Variants in SPCS1 observed in about 807,000 individuals in gnomAD.
The protein encoded by SPCS1 is SPase 12 kDa subunit.
In SPCS1, 10 loss-of-function variants were observed where a neutral mutation model predicts 16.4. That is an observed-to-expected ratio of 0.61 (90% CI 0.38 to 1.03). The LOEUF (loss-of-function observed/expected upper bound fraction) is 1.03, where lower values mean the gene tolerates loss of function less well. SPCS1 is among the 50% of genes least tolerant of loss of function. The pLI, the probability that SPCS1 is intolerant of heterozygous loss-of-function variation, is 0.01. For missense variants in SPCS1, 118 were observed against 123.8 expected (o/e 0.95, Z 0.22); for synonymous variants, 47 against 42.5 (o/e 1.10, Z -0.41).
chr3:52,706,787 C>T lies in SPCS1; in HGVS notation c.97-6C>T, dbSNP rs750515311. 9.3e-6 allele frequency: 15 copies of T among 1,613,220 alleles called. No homozygotes were observed. The African/African-American group carries it at 1.6e-4, about 17-fold the overall frequency. On this transcript the variant is annotated splice_region_variant and splice_polypyrimidine_tract_variant and intron_variant, in intron 2 of 3. Transcript: ENST00000619898. Reference sequence around the variant, plus strand: ...AGTGTGTTTAATATACTTCATTTGTCTCTAGATAGTTGGATTTATCTACGG... The same window carrying T: ...AGTGTGTTTAATATACTTCATTTGTTTCTAGATAGTTGGATTTATCTACGG...
chr3:52,706,998 T>C, intron 3 of SPCS1, 119 bp downstream of exon 3: 1 of 773,334 alleles, frequency 1.3e-6, no homozygotes, highest in South Asian at 1.5e-5. Flanking sequence ...AAACAGCGTT[T>C]CCCTTTGCTA....
At chr3:52,707,643 C>G in intron 3 of SPCS1, 44 bp from the exon 4 acceptor site, 1 of 1,589,516 alleles carries the variant, frequency 6.3e-7, no homozygotes, top group Non-Finnish European at 8.6e-7. Flanking sequence ...ATTTTTTAAA[C>G]TTTTAATAGC....
Position 52,707,975 on chromosome 3 carries a change from A to C in SPCS1, c.*163A>C. 1.2e-6 allele frequency: 1 copy of C among 805,260 alleles called. No individual in the cohort carries two copies. The highest frequency in any genetic ancestry group is 1.9e-5 in the South Asian group (1 of 53,388). The allele number at this position is 805,260 out of a possible 1,614,324, so 49.9% of individuals were successfully genotyped here. On this transcript the variant is annotated 3_prime_UTR_variant, in exon 4 of 4. Transcript: ENST00000619898. Reference sequence around the variant, plus strand: ...CTAGCCCAGTTGGGTTTTGATTTATATAAGTAGTTTAGACCTTCTCTTCAT... The same window carrying C: ...CTAGCCCAGTTGGGTTTTGATTTATCTAAGTAGTTTAGACCTTCTCTTCAT...
In SPCS1 at chr3:52,708,541, T is replaced by C. The variant is rs1288768422; in HGVS notation, c.*729T>C. ...TAATTAAAATTAAAATATAAAACTC[T>C]AAAACTAGCCATGATTCAAAGGTTC... On this transcript the variant is annotated 3_prime_UTR_variant, in exon 4 of 4. Coordinates refer to ENST00000619898, the MANE Select transcript of SPCS1 (RefSeq NM_014041.5). 1 of 152,158 alleles carries C rather than the reference T, an allele frequency of 6.6e-6. No individual in the cohort carries two copies. Among genetic ancestry groups the C allele is most frequent in the Non-Finnish European group, 1.5e-5 (1 of 68,016 alleles). 9.4% of individuals were successfully genotyped at this position (152,158 alleles called of 1,614,324 possible).
At position 52,707,806 on chromosome 3, in the gene SPCS1, T is replaced by C. The variant is rs928404608; in HGVS notation, c.303T>C (p.Asn101=). ...GERKIKRHAK[N]N Reference sequence around the variant, plus strand: ...GAAAAATTAAGAGGCATGCTAAAAATAATTGAGGTTTTCATGATTCAGCAC... The same window carrying C: ...GAAAAATTAAGAGGCATGCTAAAAACAATTGAGGTTTTCATGATTCAGCAC... The change falls in exon 4 of 4, where the codon AAT becomes AAC. Residue 101 remains asparagine, a synonymous_variant. Transcript: ENST00000619898. 8 of 1,613,934 alleles carry C rather than the reference T, an allele frequency of 5.0e-6. No homozygotes were observed. Among genetic ancestry groups the C allele is most frequent in the Non-Finnish European group, 6.8e-6 (8 of 1,179,954 alleles).
At chr3:52,706,306 C>T (rs1450807273) in intron 1 of SPCS1, 24 bp downstream of exon 1, 62 of 1,588,822 alleles carry the variant, frequency 3.9e-5, no homozygotes, top group Non-Finnish European at 5.2e-5. Context: ...CCGGGGACCT[C>T]TGCACGCCGT....
Position 52,706,250 on chromosome 3 carries a change from C to T in SPCS1, c.4C>T (p.Leu2=). Residue 2 remains leucine (L), a synonymous_variant, in exon 1 of 4, where the codon CTG becomes TTG. Coordinates refer to ENST00000619898, the MANE Select transcript of SPCS1 (RefSeq NM_014041.5). The part of the protein sequence containing the change: M[L]EHLSSLPTQM... ...CTGCCCGCCTCCTCAGCCAGCCATG[C>T]TGGAGCATCTGAGCTCGCTGCCCAC... 1 of 1,594,008 alleles carries T rather than the reference C, an allele frequency of 6.3e-7. No homozygotes were observed. Among genetic ancestry groups the T allele is most frequent in the Non-Finnish European group, 8.5e-7 (1 of 1,177,784 alleles).
Position 52,706,867 on chromosome 3 carries a change from T to G in SPCS1, c.171T>G (p.Ala57=). The G allele has an allele frequency of 6.2e-7, 1 of 1,613,776 alleles. No individual in the cohort carries two copies. Among genetic ancestry groups the G allele is most frequent in the Non-Finnish European group, 8.5e-7 (1 of 1,179,686 alleles). The change falls in exon 3 of 4, where the codon GCT becomes GCG. Residue 57 remains alanine (A), a synonymous_variant. Coordinates refer to ENST00000619898, the MANE Select transcript of SPCS1 (RefSeq NM_014041.5). ...TCTATATAGTTATGGCCGGATTTGC[T>G]TTTTCATGTTTGGTAAGAAATTTGT... The part of the protein sequence containing the change: ...WTVYIVMAGF[A]FSCLLTLPPW...
rs1183665389 is a variant in SPCS1, at chr3:52,709,432, TGTG to T, written c.*1626_*1628del. ...ATAAGAAAGTATGGGGGAAGTCAGG[TGTG>T]GTGGTTCATGCCTATAATCCCAGCA... On this transcript the variant is annotated 3_prime_UTR_variant, in exon 4 of 4. Coordinates refer to ENST00000619898, the MANE Select transcript of SPCS1 (RefSeq NM_014041.5). 6.6e-6 allele frequency: 1 copy of T among 151,784 alleles called. No individual in the cohort carries two copies. The highest frequency in any genetic ancestry group is 1.5e-5 in the Non-Finnish European group (1 of 67,960). 9.4% of individuals were successfully genotyped at this position (151,784 alleles called of 1,614,324 possible).
chr3:52,706,187 C>G lies in SPCS1; in HGVS notation c.-60C>G, dbSNP rs1449893633. 1.3e-6 allele frequency: 2 copies of G among 1,552,248 alleles called. No individual in the cohort carries two copies. Among genetic ancestry groups the G allele is most frequent in the Non-Finnish European group, 1.7e-6 (2 of 1,154,580 alleles). ...CTTACCCCTCACGGTCCTTAAGTCT[C>G]GGTCGCCCTCGCCTCGCAGCCTGCC... On this transcript the variant is annotated 5_prime_UTR_variant, in exon 1 of 4. Coordinates refer to ENST00000619898, the MANE Select transcript of SPCS1 (RefSeq NM_014041.5).
rs1263997785 is a variant in SPCS1, at chr3:52,706,231, GCCT to G, written c.-11_-9del. 6.3e-7 allele frequency: 1 copy of G among 1,586,222 alleles called. No individual in the cohort carries two copies. The highest frequency in any genetic ancestry group is 8.5e-7 in the Non-Finnish European group (1 of 1,174,076). On this transcript the variant is annotated 5_prime_UTR_variant, in exon 1 of 4. Coordinates refer to ENST00000619898, the MANE Select transcript of SPCS1 (RefSeq NM_014041.5). Reference sequence around the variant, plus strand: ...GCCTGCCACCCGCGCTCAGCTGCCCGCCTCCTCAGCCAGCCATGCTGGAGCATC... The same window carrying G: ...GCCTGCCACCCGCGCTCAGCTGCCCGCCTCAGCCAGCCATGCTGGAGCATC...
Position 52,709,226 on chromosome 3 carries a change from A to AAAAG in SPCS1, c.*1416_*1419dup, listed in dbSNP as rs2097347869. 1 of 151,988 alleles carries AAAAG rather than the reference A, an allele frequency of 6.6e-6. No homozygotes were observed. Among genetic ancestry groups the AAAAG allele is most frequent in the African/African-American group, 2.4e-5 (1 of 41,356 alleles). 9.4% of individuals were successfully genotyped at this position (151,988 alleles called of 1,614,324 possible). A position where few individuals can be genotyped will look rare whatever the true frequency, so the allele number is the denominator to read the frequency against. ...TGATTGACATTTTAGAACCAATGCC[A>AAAAG]AAAGAGTAACACATCAAAGTCTCTG... On this transcript the variant is annotated 3_prime_UTR_variant, in exon 4 of 4. Coordinates refer to ENST00000619898, the MANE Select transcript of SPCS1 (RefSeq NM_014041.5).
chr3:52,706,901 G>A (rs748913708), intron 3 of SPCS1, 22 bp downstream of exon 3: 1 of 1,584,968 alleles, frequency 6.3e-7, no homozygotes, highest in East Asian at 2.2e-5. Context: ...GTGGGTATTA[G>A]TGGCAGCTTG....
rs560848664 is a variant in SPCS1, at chr3:52,707,170, A to G, written c.183+291A>G. ...TTGTCCCTTCACCTTTTATTTATTTATTTATTTAAATTTTTTGAGACGGAG... is the reference window on the plus strand; with the variant it reads ...TTGTCCCTTCACCTTTTATTTATTTGTTTATTTAAATTTTTTGAGACGGAG... On this transcript the variant is annotated intron_variant, in intron 3 of 3. Transcript: ENST00000619898. 52 of 272,862 alleles carry G rather than the reference A, an allele frequency of 1.9e-4. No homozygotes were observed. In the Middle Eastern group the frequency reaches 3.7e-3, roughly 19 times the overall value. The allele number at this position is 272,862 out of a possible 1,614,324, so 16.9% of individuals were successfully genotyped here.
chr3:52,706,167 C>A lies in SPCS1; in HGVS notation c.-80C>A. ...ACTGACGCGCAGTGCCAGACCTTAC[C>A]CCTCACGGTCCTTAAGTCTCGGTCG... On this transcript the variant is annotated 5_prime_UTR_variant, in exon 1 of 4. Coordinates refer to ENST00000619898, the MANE Select transcript of SPCS1 (RefSeq NM_014041.5). The A allele has an allele frequency of 6.5e-7, 1 of 1,546,232 alleles. No individual in the cohort carries two copies.
In SPCS1 at chr3:52,710,953, C is replaced by G. The variant is rs1212325174; in HGVS notation, c.*3141C>G. 2 of 152,514 alleles carry G rather than the reference C, an allele frequency of 1.3e-5. No individual in the cohort carries two copies. Among genetic ancestry groups the G allele is most frequent in the Non-Finnish European group, 2.9e-5 (2 of 68,018 alleles). 9.4% of individuals were successfully genotyped at this position (152,514 alleles called of 1,614,324 possible). A position where few individuals can be genotyped will look rare whatever the true frequency, so the allele number is the denominator to read the frequency against. On this transcript the variant is annotated 3_prime_UTR_variant, in exon 4 of 4. Coordinates refer to ENST00000619898, the MANE Select transcript of SPCS1 (RefSeq NM_014041.5). ...ATCATACATTTAAAACATGGAAAGA[C>G]AACTAATATCTTACAGTACATGAAG...
At position 52,708,114 on chromosome 3, in the gene SPCS1, A is replaced by G; in HGVS notation, c.*302A>G. On this transcript the variant is annotated 3_prime_UTR_variant, in exon 4 of 4. Transcript: ENST00000619898. ...AGTACAATGTAACTATCAAAGTTTT[A>G]TAATTCATTATGAGTTAACCATTTT... 2 of 196,786 alleles carry G rather than the reference A, an allele frequency of 1.0e-5. No homozygotes were observed. Among genetic ancestry groups the G allele is most frequent in the South Asian group, 1.2e-4 (1 of 8,682 alleles). The allele number at this position is 196,786 out of a possible 1,614,324, so 12.2% of individuals were successfully genotyped here. A position where few individuals can be genotyped will look rare whatever the true frequency, so the allele number is the denominator to read the frequency against.
Position 52,706,880 on chromosome 3 carries a change from G to A in SPCS1, c.183+1G>A. On this transcript the variant is annotated splice_donor_variant, in intron 3 of 3. Transcript: ENST00000619898. LOFTEE classifies it high-confidence loss of function. ...GGCCGGATTTGCTTTTTCATGTTTG[G>A]TAAGAAATTTGTGGGTATTAGTGGC... 1 of 1,613,170 alleles carries A rather than the reference G, an allele frequency of 6.2e-7. No individual in the cohort carries two copies.
chr3:52,706,332 C>T (rs1459392661), intron 1 of SPCS1, 50 bp downstream of exon 1: 3 of 1,560,880 alleles, frequency 1.9e-6, no homozygotes, highest in African/African-American at 1.3e-5. Context: ...TGCCTGGCAG[C>T]TTCGAAGCCC....
Sources: gnomAD v4.1 joint callset for allele counts on GRCh38, gnomAD v4.1.1 for gene constraint, MANE v1.5 for transcripts, NCBI Gene and HGNC (gene_info 2026-07-23, HGNC 2026-07-21) for gene names.